Variants in TLE4 observed in about 807,000 individuals in gnomAD.
TLE4 encodes the protein transducin-like enhancer protein 4.
TLE4 carries 8 observed loss-of-function variants against 92.8 expected under a neutral mutation model. That is an observed-to-expected ratio of 0.09 (90% CI 0.05 to 0.16). The LOEUF is 0.16. TLE4 is among the 10% of genes least tolerant of loss of function. The pLI is 1.00. For synonymous variants in TLE4, 371 were observed against 374.1 expected (o/e 0.99, Z 0.10); for missense variants, 675 against 997.6 (o/e 0.68, Z 4.36).
chr9:79,657,171 C>T (rs370962567), intron 8 of TLE4, among the ~76,000 whole-genome samples: 29 of 152,290 alleles, frequency 1.9e-4, no homozygotes, highest in Non-Finnish European at 2.9e-4. Context: ...CTGCAGCCTT[C>T]CTTGCTTGTC....
intron 4 of TLE4, among the ~76,000 whole-genome samples, chr9:79,587,423 T>C (rs73652215): frequency 1.2e-3 from 190 of 152,360 alleles, no homozygotes; most frequent in African/African-American, 4.4e-3. Flanking sequence ...CTTTGCCAGA[T>C]GATTTATTTC....
chr9:79,597,378 A>T (rs762700385), intron 4 of TLE4, among the ~76,000 whole-genome samples: 8 of 152,092 alleles, frequency 5.3e-5, no homozygotes, highest in African/African-American at 1.7e-4. Context: ...GGAAAATCCT[A>T]CCAGTATTTC....
intron 6 of TLE4, among the ~76,000 whole-genome samples, chr9:79,636,181 C>CTA (rs943456275): frequency 2.6e-5 from 4 of 151,996 alleles, no homozygotes; most frequent in African/African-American, 9.7e-5. Flanking sequence ...GTGGTGTCGT[C>CTA]TATATATATG....
At chr9:79,581,953 T>G (rs889726551) in intron 4 of TLE4, among the ~76,000 whole-genome samples, 5 of 152,162 alleles carry the variant, frequency 3.3e-5, no homozygotes, top group African/African-American at 1.2e-4. Context: ...CTCCCACATG[T>G]GGGCTAGGGA....
At chr9:79,620,043 G>C (rs1186419883) in intron 5 of TLE4, among the ~76,000 whole-genome samples, 1 of 152,118 alleles carries the variant, frequency 6.6e-6, no homozygotes, top group Non-Finnish European at 1.5e-5. Context: ...ATTCTCAGGA[G>C]GTAGAACTTT....
chr9:79,629,088 G>T (rs2053511252), intron 6 of TLE4, among the ~76,000 whole-genome samples: 1 of 152,094 alleles, frequency 6.6e-6, no homozygotes, highest in Non-Finnish European at 1.5e-5. Context: ...GATAGGAGAG[G>T]TTGCTGGGTC....
chr9:79,655,247 C>G (rs2059616764), intron 8 of TLE4, among the ~76,000 whole-genome samples: 1 of 152,152 alleles, frequency 6.6e-6, no homozygotes. Flanking sequence ...AAGGAAAGGA[C>G]AGTTCTCAAC....
chr9:79,630,280 C>G (rs537643919), intron 6 of TLE4, among the ~76,000 whole-genome samples: 11 of 152,084 alleles, frequency 7.2e-5, no homozygotes, highest in Non-Finnish European at 1.2e-4. Flanking sequence ...GAAGTGATCC[C>G]GTAATCTGGA....
chr9:79,674,280 A>G (rs960180425), intron 8 of TLE4, among the ~76,000 whole-genome samples: 3 of 152,054 alleles, frequency 2.0e-5, no homozygotes, highest in African/African-American at 7.3e-5. Flanking sequence ...CAGCCCATTA[A>G]GGTGGAGTTT....
In TLE4 at chr9:79,708,247, T is replaced by C; in HGVS notation, c.1066T>C (p.Leu356=). 1 of 1,609,664 alleles carries C rather than the reference T, an allele frequency of 6.2e-7. No individual in the cohort carries two copies. The change falls in exon 12 of 20, where the codon TTG becomes CTG. Residue 356 remains leucine, a synonymous_variant. Coordinates refer to ENST00000376552, the MANE Select transcript of TLE4 (RefSeq NM_007005.6). ...VPGKPPGVDP[L]ASSLRTPMAV... ...TGGAAAACCACCAGGAGTTGACCCTTTGGGTTAGTAAGAAAAAAGTTTTTT... is the reference window on the plus strand; with the variant it reads ...TGGAAAACCACCAGGAGTTGACCCTCTGGGTTAGTAAGAAAAAAGTTTTTT...
chr9:79,640,213 A>G (rs942956627), intron 6 of TLE4, among the ~76,000 whole-genome samples: 2 of 152,138 alleles, frequency 1.3e-5, no homozygotes, highest in Non-Finnish European at 2.9e-5. Context: ...CATACCATGT[A>G]GCTGTTAGAA....
chr9:79,638,239 C>T (rs182788909), intron 6 of TLE4, among the ~76,000 whole-genome samples: 100 of 152,224 alleles, frequency 6.6e-4, no homozygotes, highest in African/African-American at 2.2e-3. Context: ...CAAGTTAGAA[C>T]TTACAGGGAT....
chr9:79,708,462 C>T (rs770766238), intron 12 of TLE4, 131 bp from the exon 13 acceptor site: 22 of 1,124,412 alleles, frequency 2.0e-5, no homozygotes, highest in Non-Finnish European at 2.7e-5. Context: ...ATTCTGAAGG[C>T]TTGAATGACT....
chr9:79,707,839 C>G (rs537783023), intron 11 of TLE4, among the ~76,000 whole-genome samples: 7 of 152,290 alleles, frequency 4.6e-5, no homozygotes, highest in African/African-American at 1.7e-4. Flanking sequence ...GTTAGGACAT[C>G]CTGGTTTGTG....
intron 8 of TLE4, among the ~76,000 whole-genome samples, chr9:79,677,160 TAAAAGATTAA>T (rs1168111020): frequency 4.6e-5 from 7 of 152,150 alleles, no homozygotes; most frequent in African/African-American, 1.4e-4. Flanking sequence ...ATTGGGTTAT[TAAAAGATTAA>T]ATGAGACAGT....
chr9:79,588,169 G>C (rs564392142), intron 4 of TLE4, among the ~76,000 whole-genome samples: 6 of 98,666 alleles, frequency 6.1e-5, no homozygotes, highest in South Asian at 5.5e-4. Flanking sequence ...TGTGTTTTGA[G>C]ATAGAGTCTC....
rs568551837 is a variant in TLE4 at position 79,690,883 on chromosome 9, G to C, written c.610-13900G>C. Among the ~76,000 whole-genome samples, 60 of 145,522 alleles carry C rather than the reference G, an allele frequency of 4.1e-4. 1 individual carries two copies. Among genetic ancestry groups the C allele is most frequent in the African/African-American group, 1.4e-3 (57 of 39,350 alleles). ...ACTCTTGGACTCAAGCAGTCTGCCT[G>C]CCTCAGCCTCCCGAAGCAATGAGAT... On this transcript the variant is annotated intron_variant, in intron 8 of 19. Transcript: ENST00000376552.
chr9:79,596,572 G>A (rs1428313669), intron 4 of TLE4, among the ~76,000 whole-genome samples: 2 of 152,086 alleles, frequency 1.3e-5, no homozygotes, highest in Non-Finnish European at 2.9e-5. Context: ...CCACCTCATG[G>A]TCCTTGCAGC....
chr9:79,591,186 T>A (rs957189584), intron 4 of TLE4, among the ~76,000 whole-genome samples: 2 of 152,174 alleles, frequency 1.3e-5, no homozygotes, highest in Non-Finnish European at 2.9e-5. Context: ...GGATACACAG[T>A]TGTGACATAG....
Sources: gnomAD v4.1 joint callset for allele counts (sites outside exome capture counted in the v4.1 genomes callset) on GRCh38, gnomAD v4.1.1 for gene constraint, MANE v1.5 for transcripts, NCBI Gene and HGNC (gene_info 2026-07-23, HGNC 2026-07-21) for gene names.